Variants in METTL15 observed in about 807,000 individuals in gnomAD.
METTL15 encodes the protein methyltransferase 15, mitochondrial 12S rRNA N4-cytidine, also known as 12S rRNA N(4)-cytidine methyltransferase METTL15.
A neutral mutation model predicts 38.3 loss-of-function variants in METTL15; 34 were observed. The ratio of observed to expected loss-of-function variants is 0.89; its 90% CI spans 0.68 to 1.18. The LOEUF is 1.18. METTL15 is among the 50% of genes most tolerant of loss of function. The pLI is 0.00. For synonymous variants in METTL15, 162 were observed against 170.9 expected (o/e 0.95, Z 0.41); for missense variants, 438 against 498.4 (o/e 0.88, Z 1.15).
intron 5 of METTL15, among the ~76,000 whole-genome samples, chr11:28,368,719 C>T (rs1850213651): frequency 6.6e-6 from 1 of 152,098 alleles, no homozygotes; most frequent in African/African-American, 2.4e-5. Context: ...TTTATTGTGG[C>T]ACTATTCACA....
chr11:28,389,808 C>G (rs1850483001), intron 5 of METTL15, among the ~76,000 whole-genome samples: 1 of 151,702 alleles, frequency 6.6e-6, no homozygotes, highest in Non-Finnish European at 1.5e-5. Context: ...AATCGCCACA[C>G]TGTCTTCCAC....
intron 4 of METTL15, among the ~76,000 whole-genome samples, chr11:28,276,330 G>A (rs541823461): frequency 5.0e-4 from 76 of 152,010 alleles, no homozygotes; most frequent in Middle Eastern, 3.4e-3. Flanking sequence ...AATCAAGAAG[G>A]CAATTCCACT....
At chr11:28,244,402 G>C (rs1269958677) in intron 4 of METTL15, among the ~76,000 whole-genome samples, 1 of 152,088 alleles carries the variant, frequency 6.6e-6, no homozygotes. Context: ...TGTATATTCT[G>C]TGGTATTTAA....
intron 6 of METTL15, among the ~76,000 whole-genome samples, chr11:28,435,816 C>A (rs757136722): frequency 6.6e-6 from 1 of 152,162 alleles, no homozygotes; most frequent in African/African-American, 2.4e-5. Flanking sequence ...GCCTGAATTC[C>A]TTCACGGATC....
At chr11:28,151,309 G>A (rs143531652) in intron 3 of METTL15, among the ~76,000 whole-genome samples, 37 of 151,698 alleles carry the variant, frequency 2.4e-4, no homozygotes, top group Middle Eastern at 6.8e-3. Context: ...ATCTCTTACC[G>A]TGCTGACTGC....
chr11:28,163,357 C>T, intron 3 of METTL15: 1 of 397,940 alleles, frequency 2.5e-6, no homozygotes, highest in Non-Finnish European at 4.4e-6. Flanking sequence ...GGTCTTTTTC[C>T]CATGTGCTCA....
intron 6 of METTL15, among the ~76,000 whole-genome samples, chr11:28,458,545 A>G (rs1851189165): frequency 6.6e-6 from 1 of 152,182 alleles, no homozygotes; most frequent in African/African-American, 2.4e-5. Flanking sequence ...CTTTCAAGTC[A>G]AAATTATAGG....
intron 6 of METTL15, among the ~76,000 whole-genome samples, chr11:28,304,064 T>C (rs1421872037): frequency 6.6e-6 from 1 of 152,174 alleles, no homozygotes; most frequent in Non-Finnish European, 1.5e-5. Context: ...CAAATATTCT[T>C]GTAAGCATTT....
At chr11:28,292,004 A>G (rs991064472) in intron 5 of METTL15, among the ~76,000 whole-genome samples, 14 of 152,060 alleles carry the variant, frequency 9.2e-5, no homozygotes, top group Non-Finnish European at 2.1e-4. Context: ...GATGGTATAG[A>G]CTATAACTTA....
chr11:28,373,725 C>G lies in METTL15; in HGVS notation c.*358+11689C>G, dbSNP rs1027653483. ...TTGCCATTGCTTTTGGTGTTTTAGA[C>G]ATGAAGTCCTTGCCCGTGCCTATGT... On this transcript the variant is annotated intron_variant and NMD_transcript_variant, in intron 5 of 7. Transcript: ENST00000532947. Among the ~76,000 whole-genome samples the G allele has an allele frequency of 5.8e-4, 88 of 152,202 alleles. 1 individual carries two copies. Among genetic ancestry groups the G allele is most frequent in the Non-Finnish European group, 1.1e-3 (75 of 68,018 alleles).
rs1166761799 is a variant in METTL15, at chr11:28,211,158, A to G, written c.367A>G (p.Thr123Ala). 2.5e-6 allele frequency: 4 copies of G among 1,612,390 alleles called. No individual in the cohort carries two copies. The Admixed American group carries it at 5.0e-5, about 20-fold the overall frequency. ...TCTCTATGCCTTGGACAGAGACCCA[A>G]CAGCTTATGCATTAGCTGAACATCT... ...IVLYALDRDP[T>A]AYALAEHLSE... The change falls in exon 4 of 7, where the codon ACA becomes GCA. Residue 123 changes from threonine (T) to alanine (A), a missense_variant. Transcript: ENST00000407364.
intron 3 of METTL15, among the ~76,000 whole-genome samples, chr11:28,346,282 C>G (rs1418466100): frequency 6.6e-6 from 1 of 152,208 alleles, no homozygotes; most frequent in South Asian, 2.1e-4. Flanking sequence ...TGAATCTACA[C>G]TGGGCATCTT....
At chr11:28,425,771 C>T (rs754423837) in intron 6 of METTL15, among the ~76,000 whole-genome samples, 153 of 152,206 alleles carry the variant, frequency 1.0e-3, no homozygotes, top group Non-Finnish European at 1.7e-3. Flanking sequence ...GTTGTTGAGA[C>T]ACTAATAGCT....
chr11:28,429,371 CTCTCCCTCTCCCTCTCCCTCTCCCCACGG>C, intron 6 of METTL15, among the ~76,000 whole-genome samples: 1 of 135,690 alleles, frequency 7.4e-6, no homozygotes, highest in Non-Finnish European at 1.6e-5. Flanking sequence ...CTCCCTCTCC[CTCTCCCTCTCCCTCTCCCTCTCCCCACGG>C]TCTCCCTCTC....
chr11:28,197,778 G>C (rs1169735044), intron 3 of METTL15, among the ~76,000 whole-genome samples: 2 of 152,046 alleles, frequency 1.3e-5, no homozygotes, highest in Non-Finnish European at 2.9e-5. Flanking sequence ...GTATTGATCT[G>C]CTTTGATTTG....
In METTL15 at chr11:28,205,202, C is replaced by T. The variant is rs181552672; in HGVS notation, c.271-5860C>T. Among the ~76,000 whole-genome samples, 661 of 151,774 alleles carry T rather than the reference C, an allele frequency of 4.4e-3. 8 individuals are homozygous for T. Among genetic ancestry groups the T allele is most frequent in the African/African-American group, 0.014 (591 of 41,396 alleles). ...ACATGTGCCATGCTGGTGTGCTGCA[C>T]GCATTAACTCGTCATTTAGTATTAG... On this transcript the variant is annotated intron_variant, in intron 3 of 6. Coordinates refer to ENST00000407364, the MANE Select transcript of METTL15 (RefSeq NM_001113528.2).
chr11:28,511,107 C>G lies in METTL15; in HGVS notation c.*425-15371C>G, dbSNP rs80314636. On this transcript the variant is annotated intron_variant and NMD_transcript_variant, in intron 6 of 7. Transcript: ENST00000532947. ...AGTACTGGGAAATAAACTATATACACATGTACGCACTCATATACACACATT... is the reference window on the plus strand; with the variant it reads ...AGTACTGGGAAATAAACTATATACAGATGTACGCACTCATATACACACATT... Among the ~76,000 whole-genome samples the G allele has an allele frequency of 7.9e-3, 1,210 of 152,230 alleles. 24 individuals are homozygous for G. The highest frequency in any genetic ancestry group is 0.027 in the African/African-American group (1,139 of 41,518).
intron 5 of METTL15, 44 bp from the exon 6 acceptor site, chr11:28,296,709 T>G: frequency 4.4e-6 from 7 of 1,598,192 alleles, no homozygotes; most frequent in South Asian, 1.1e-5. Context: ...GTCTTGTCAA[T>G]GAGAACTGAT....
chr11:28,354,151 T>C (rs1850069679), intron 4 of METTL15, among the ~76,000 whole-genome samples: 1 of 152,154 alleles, frequency 6.6e-6, no homozygotes. Context: ...ACAGCGCATC[T>C]ATGGGGCTAG....
Sources: allele counts gnomAD v4.1 joint callset (sites outside exome capture counted in the v4.1 genomes callset), GRCh38; gene constraint gnomAD v4.1.1; transcripts MANE v1.5; gene names NCBI Gene and HGNC (gene_info 2026-07-23, HGNC 2026-07-21).